ACOT8: variants seen among roughly 807,000 people sequenced by gnomAD.
The protein encoded by ACOT8 is acyl-CoA thioesterase 8.
In ACOT8, 31 loss-of-function variants were observed where a neutral mutation model predicts 38.4. The observed-to-expected ratio is 0.81, with a 90% CI of 0.61 to 1.09. The LOEUF is 1.09. ACOT8 is among the 50% of genes least tolerant of loss of function. ACOT8 has a pLI of 0.00. For missense variants in ACOT8, 373 were observed against 421.8 expected (o/e 0.88, Z 1.01); for synonymous variants, 158 against 170.3 (o/e 0.93, Z 0.56).
Position 45,857,203 on chromosome 20 carries a change from T to C in ACOT8, c.113A>G (p.Asp38Gly). The part of the protein sequence containing the change: ...VTTVLNLEPL[D>G]EDLFRGRHYW... ...TGCCGGCTACCTGAAGAGATCCTCG[T>C]CCAGCGGCTCGAGGTTGAGCACGGT... The change falls in exon 1 of 6, where the codon GAC (aspartate) becomes GGC (glycine). Residue 38 changes from aspartate (D) to glycine (G), a missense_variant. Physicochemically the swap from Asp to Gly is moderately conservative, Grantham distance 94. Transcript: ENST00000217455. 6.2e-7 allele frequency: 1 copy of C among 1,613,282 alleles called. No individual in the cohort carries two copies. The highest frequency in any genetic ancestry group is 2.2e-5 in the East Asian group (1 of 44,868).
intron 2 of ACOT8, chr20:45,854,020 G>T: frequency 1.6e-6 from 2 of 1,250,056 alleles, no homozygotes; most frequent in Non-Finnish European, 2.1e-6. Context: ...AACAGTGAGG[G>T]TTTTTTTTGT....
chr20:45,853,829 G>C, intron 2 of ACOT8: 1 of 953,216 alleles, frequency 1.0e-6, no homozygotes, highest in South Asian at 1.4e-5. Flanking sequence ...ACACGGGACA[G>C]TATGAAAAAG....
In ACOT8 at chr20:45,848,615, G is replaced by A. The variant is rs376706756; in HGVS notation, c.323C>T (p.Ser108Leu). 1.8e-5 allele frequency: 29 copies of A among 1,613,814 alleles called. No homozygotes were observed. Among genetic ancestry groups the A allele is most frequent in the Admixed American group, 8.3e-5 (5 of 59,992 alleles). ...TTGCACGGCCTTCACAGAGCGCACCGAGAAGCTCGACCCTGTTCGTGTCCG... is the reference window on the plus strand; with the variant it reads ...TTGCACGGCCTTCACAGAGCGCACCAAGAAGCTCGACCCTGTTCGTGTCCG... The part of the protein sequence containing the change: ...VERTRTGSSF[S>L]VRSVKAVQHG... The change falls in exon 3 of 6, where the codon TCG becomes TTG. Residue 108 changes from serine (S) to leucine (L), a missense_variant. By Grantham distance (145) the Ser-to-Leu change is moderately radical (BLOSUM62 -2). Transcript: ENST00000217455.
intron 5 of ACOT8, 118 bp downstream of exon 5, chr20:45,843,409 A>G: frequency 7.6e-7 from 1 of 1,312,796 alleles, no homozygotes; most frequent in Non-Finnish European, 1.1e-6. Flanking sequence ...CTGGGAGGGA[A>G]GGAAAGGAAG....
In ACOT8 at chr20:45,844,427, G is replaced by A; in HGVS notation, c.489-7C>T. 1 of 1,613,736 alleles carries A rather than the reference G, an allele frequency of 6.2e-7. No homozygotes were observed. The highest frequency in any genetic ancestry group is 1.1e-5 in the South Asian group (1 of 91,048). On this transcript the variant is annotated splice_region_variant and splice_polypyrimidine_tract_variant and intron_variant, in intron 3 of 5. Coordinates refer to ENST00000217455, the MANE Select transcript of ACOT8 (RefSeq NM_005469.4). ...CTTTTGGAGGTTAGGGTCCCTGAAAGTAAAGGGAAGAGGGTCGGGGTGAGA... is the reference window on the plus strand; with the variant it reads ...CTTTTGGAGGTTAGGGTCCCTGAAAATAAAGGGAAGAGGGTCGGGGTGAGA...
chr20:45,845,002 C>T (rs1984575330), intron 3 of ACOT8, among the ~76,000 whole-genome samples: 1 of 152,164 alleles, frequency 6.6e-6, no homozygotes, highest in Admixed American at 6.6e-5. Context: ...CTGCAGTCTC[C>T]AACTCCCAGG....
At chr20:45,842,516 G>T in intron 5 of ACOT8, 1 of 1,015,052 alleles carries the variant, frequency 9.9e-7, no homozygotes, top group South Asian at 4.0e-5. Flanking sequence ...GGGAAGAAAG[G>T]ACTCAGAAGA....
chr20:45,843,411 G>A, intron 5 of ACOT8, 116 bp downstream of exon 5: 1 of 1,353,866 alleles, frequency 7.4e-7, no homozygotes, highest in Non-Finnish European at 1.0e-6. Flanking sequence ...GGGAGGGAAG[G>A]AAAGGAAGTG....
intron 3 of ACOT8, among the ~76,000 whole-genome samples, chr20:45,846,144 T>C (rs925281674): frequency 2.0e-5 from 3 of 152,174 alleles, no homozygotes; most frequent in Non-Finnish European, 4.4e-5. Context: ...CCGGACCTAT[T>C]TAATTTTAAT....
chr20:45,841,936 G>A lies in ACOT8; in HGVS notation c.862C>T (p.His288Tyr), dbSNP rs148674138. 7.7e-3 allele frequency: 12,478 copies of A among 1,613,300 alleles called. 78 individuals are homozygous for A. Among genetic ancestry groups the A allele is most frequent in the Non-Finnish European group, 9.3e-3 (10,969 of 1,179,974 alleles). Residue 288 changes from histidine to tyrosine, a missense_variant, in exon 6 of 6, where the codon CAT becomes TAT. Coordinates refer to ENST00000217455, the MANE Select transcript of ACOT8 (RefSeq NM_005469.4). Reference protein sequence around the residue: ...PWAGGSRGLVHGRLWRQDGVL... With the variant: ...PWAGGSRGLVYGRLWRQDGVL... The stretch of plus-strand genomic sequence containing the variant: ...CCATCCTGACGCCACAGCCGCCCAT[G>A]GACCAGCCCCCGAGAGCCACCTGTG...
intron 5 of ACOT8, chr20:45,843,032 G>A (rs183682887): frequency 1.8e-6 from 2 of 1,131,310 alleles, no homozygotes; most frequent in East Asian, 6.5e-5. Context: ...TCCCAATCAG[G>A]TTAATCAGAA....
intron 3 of ACOT8, among the ~76,000 whole-genome samples, 174 bp from the exon 4 acceptor site, chr20:45,844,594 C>G (rs558211824): frequency 7.9e-5 from 12 of 152,244 alleles, no homozygotes; most frequent in Middle Eastern, 3.4e-3. Flanking sequence ...TGGCCACTTA[C>G]GAGCCATGTG....
intron 3 of ACOT8, among the ~76,000 whole-genome samples, chr20:45,847,102 T>A (rs1463594222): frequency 6.6e-6 from 1 of 152,006 alleles, no homozygotes; most frequent in Non-Finnish European, 1.5e-5. Context: ...CACAGCTGCT[T>A]GGGAGGCTGA....
rs1491085567 is a variant in ACOT8, at chr20:45,844,325, A to AG, written c.583dup (p.Leu195ProfsTer74). ...GGGCTCCATTCTCTGCAGCTGGCTCAGGGGGGATGGGTTTACTGGCTTGAT... is the reference window on the plus strand; with the variant it reads ...GGGCTCCATTCTCTGCAGCTGGCTCAGGGGGGGATGGGTTTACTGGCTTGAT... On this transcript the variant is annotated frameshift_variant, in exon 4 of 6. Transcript: ENST00000217455. LOFTEE classifies it high-confidence loss of function. The AG allele has an allele frequency of 6.2e-7, 1 of 1,613,818 alleles. No individual in the cohort carries two copies. Among genetic ancestry groups the AG allele is most frequent in the African/African-American group, 1.3e-5 (1 of 74,904 alleles).
chr20:45,848,347 A>C (rs1157276383), intron 3 of ACOT8, 103 bp downstream of exon 3: 10 of 1,031,580 alleles, frequency 9.7e-6, no homozygotes, highest in African/African-American at 6.4e-5. Flanking sequence ...TCTAATCTGT[A>C]TTTTAAAAAT....
At chr20:45,855,054 C>A in intron 2 of ACOT8, 105 bp downstream of exon 2, 1 of 1,503,330 alleles carries the variant, frequency 6.7e-7, no homozygotes, top group Non-Finnish European at 9.0e-7. Context: ...CACCCCTCCC[C>A]TTGTCTTCCA....
In ACOT8 at chr20:45,848,640, G is replaced by T; in HGVS notation, c.298C>A (p.Arg100=). Residue 100 remains arginine (R), a synonymous_variant, in exon 3 of 6, where the codon CGG becomes AGG. Coordinates refer to ENST00000217455, the MANE Select transcript of ACOT8 (RefSeq NM_005469.4). ...GAGAAGCTCGACCCTGTTCGTGTCCGCTCCACTTGGTACAGTACTGGCAGC... is the reference window on the plus strand; with the variant it reads ...GAGAAGCTCGACCCTGTTCGTGTCCTCTCCACTTGGTACAGTACTGGCAGC... The part of the protein sequence containing the change: ...PKLPVLYQVE[R]TRTGSSFSVR... 1 of 1,613,108 alleles carries T rather than the reference G, an allele frequency of 6.2e-7. No individual in the cohort carries two copies. The highest frequency in any genetic ancestry group is 8.5e-7 in the Non-Finnish European group (1 of 1,179,804).
chr20:45,842,733 G>A (rs765200560), intron 5 of ACOT8: 14 of 989,286 alleles, frequency 1.4e-5, no homozygotes, highest in Non-Finnish European at 1.7e-5. Context: ...ATCCAGAGAG[G>A]GTCAGGAATT....
At chr20:45,842,551 G>A in intron 5 of ACOT8, 12 of 1,000,736 alleles carry the variant, frequency 1.2e-5, no homozygotes, top group Non-Finnish European at 1.3e-5. Context: ...ATGAGGTCTG[G>A]CCTCTTCCCT....
Sources: gnomAD v4.1 joint callset for allele counts (sites outside exome capture counted in the v4.1 genomes callset) on GRCh38, gnomAD v4.1.1 for gene constraint, MANE v1.5 for transcripts, NCBI Gene and HGNC (gene_info 2026-07-23, HGNC 2026-07-21) for gene names.